The following ZNF804A variants were observed in gnomAD, a reference collection of about 807,000 sequenced individuals.
The protein encoded by ZNF804A is zinc finger protein 804A.
Under a neutral mutation model 16.5 loss-of-function variants are expected in ZNF804A, and 2 were observed. That is an observed-to-expected ratio of 0.12 (90% CI 0.05 to 0.38). The LOEUF (loss-of-function observed/expected upper bound fraction) is 0.38. ZNF804A is among the 10% of genes least tolerant of loss of function. The pLI, the probability that ZNF804A is intolerant of heterozygous loss-of-function variation, is 0.99. For missense variants in ZNF804A, 1,473 were observed against 1,390.7 expected (o/e 1.06, Z -0.94); for synonymous variants, 534 against 489.6 (o/e 1.09, Z -1.20).
intron 1 of ZNF804A, among the ~76,000 whole-genome samples, chr2:184,805,035 G>A (rs1694781733): frequency 6.6e-6 from 1 of 152,134 alleles, no homozygotes; most frequent in Non-Finnish European, 1.5e-5. Flanking sequence ...TCCCACATAA[G>A]GTTGATGCTT....
At chr2:184,908,177 C>T (rs1685306825) in intron 2 of ZNF804A, among the ~76,000 whole-genome samples, 1 of 152,038 alleles carries the variant, frequency 6.6e-6, no homozygotes, top group African/African-American at 2.4e-5. Flanking sequence ...ATGTTTTTTT[C>T]TAGAGGTGCT....
rs924898086 is a variant in ZNF804A, at chr2:184,598,691, T to G, written c.-269T>G. On this transcript the variant is annotated 5_prime_UTR_variant, in exon 1 of 4. Coordinates refer to ENST00000302277, the MANE Select transcript of ZNF804A (RefSeq NM_194250.2). ...CCGGCCCCCTCCTAGGCTGGAATCC[T>G]CCCGCGGGGCTCGTCGTCCCGACGC... The G allele has an allele frequency of 7.7e-6, 2 of 258,158 alleles. No individual in the cohort carries two copies. The highest frequency in any genetic ancestry group is 4.5e-5 in the African/African-American group (2 of 44,310). The allele number at this position is 258,158 out of a possible 1,614,324, so 16.0% of individuals were successfully genotyped here. A position where few individuals can be genotyped will look rare whatever the true frequency, so the allele number is the denominator to read the frequency against.
intron 2 of ZNF804A, among the ~76,000 whole-genome samples, chr2:184,917,922 T>C (rs374191440): frequency 6.6e-6 from 1 of 152,160 alleles, no homozygotes; most frequent in East Asian, 1.9e-4. Flanking sequence ...AAATGCTTTC[T>C]TCTATTACCC....
intron 2 of ZNF804A, among the ~76,000 whole-genome samples, chr2:184,913,170 C>T (rs537494511): frequency 6.6e-6 from 1 of 152,164 alleles, no homozygotes; most frequent in Admixed American, 6.5e-5. Flanking sequence ...TATTCCAAAA[C>T]TTGCTTTGAT....
chr2:184,712,474 G>A (rs552191007), intron 1 of ZNF804A, among the ~76,000 whole-genome samples: 6 of 151,640 alleles, frequency 4.0e-5, no homozygotes, highest in South Asian at 2.1e-4. Context: ...CTTTAATGTC[G>A]ACACGTTGGC....
chr2:184,617,598 C>A (rs1691348251), intron 1 of ZNF804A, among the ~76,000 whole-genome samples: 1 of 151,456 alleles, frequency 6.6e-6, no homozygotes, highest in Admixed American at 6.6e-5. Context: ...TATAGGTACT[C>A]TTAAGTCATT....
At chr2:184,684,014 C>G (rs769735303) in intron 1 of ZNF804A, among the ~76,000 whole-genome samples, 1 of 152,158 alleles carries the variant, frequency 6.6e-6, no homozygotes, top group Non-Finnish European at 1.5e-5. Flanking sequence ...CCTTGATCTC[C>G]TCTTCCATAT....
At chr2:184,915,748 G>T (rs184453005) in intron 2 of ZNF804A, among the ~76,000 whole-genome samples, 1 of 152,182 alleles carries the variant, frequency 6.6e-6, no homozygotes, top group Non-Finnish European at 1.5e-5. Context: ...TCTAAAGAAC[G>T]AGAGGCCTTG....
At chr2:184,725,882 A>T (rs1001712426) in intron 1 of ZNF804A, among the ~76,000 whole-genome samples, 1 of 151,664 alleles carries the variant, frequency 6.6e-6, no homozygotes, top group Non-Finnish European at 1.5e-5. Context: ...GAAATCATAT[A>T]GTTTCTGAAT....
intron 1 of ZNF804A, among the ~76,000 whole-genome samples, chr2:184,669,693 A>G (rs1410689261): frequency 3.3e-5 from 5 of 151,952 alleles, no homozygotes; most frequent in South Asian, 2.1e-4. Context: ...ATTACATCAA[A>G]TATCATTAAA....
Position 184,754,118 on chromosome 2 carries a change from A to G in ZNF804A, c.112-112251A>G, listed in dbSNP as rs1230787241. On this transcript the variant is annotated intron_variant, in intron 1 of 3. Coordinates refer to ENST00000302277, the MANE Select transcript of ZNF804A (RefSeq NM_194250.2). ...CCTTACTTGCGACATAAGTTTGATCAGTTAAGAATGTCCCCAGGCTCATGT... is the reference window on the plus strand; with the variant it reads ...CCTTACTTGCGACATAAGTTTGATCGGTTAAGAATGTCCCCAGGCTCATGT... 2.0e-5 allele frequency among the ~76,000 whole-genome samples: 3 copies of G among 151,788 alleles called. No individual in the cohort carries two copies. The Admixed American group carries it at 2.0e-4, about 10-fold the overall frequency.
chr2:184,933,400 A>T (rs772776780), intron 2 of ZNF804A, among the ~76,000 whole-genome samples: 1 of 152,200 alleles, frequency 6.6e-6, no homozygotes, highest in Non-Finnish European at 1.5e-5. Context: ...AAATTTCACT[A>T]TGATGTAATA....
rs1050339656 is a variant in ZNF804A at position 184,850,505 on chromosome 2, T to C, written c.112-15864T>C. Among the ~76,000 whole-genome samples, 3 of 151,926 alleles carry C rather than the reference T, an allele frequency of 2.0e-5. No individual in the cohort carries two copies. The South Asian group carries it at 6.2e-4, about 32-fold the overall frequency. On this transcript the variant is annotated intron_variant, in intron 1 of 3. Coordinates refer to ENST00000302277, the MANE Select transcript of ZNF804A (RefSeq NM_194250.2). Reference sequence around the variant, plus strand: ...GAATTTATTCTGTCTGGAAATATTCTTCCAGAAGAGAACAATTTTCCCCTC... The same window carrying C: ...GAATTTATTCTGTCTGGAAATATTCCTCCAGAAGAGAACAATTTTCCCCTC...
chr2:184,789,043 A>G (rs1310718725), intron 1 of ZNF804A, among the ~76,000 whole-genome samples: 2 of 152,064 alleles, frequency 1.3e-5, no homozygotes, highest in African/African-American at 4.8e-5. Flanking sequence ...GGTTTTTAGC[A>G]TGAAGTGATG....
At position 184,636,462 on chromosome 2, in the gene ZNF804A, A is replaced by T. The variant is rs756382022; in HGVS notation, c.111+37392A>T. 9.8e-3 allele frequency among the ~76,000 whole-genome samples: 1,221 copies of T among 123,970 alleles called. 31 individuals carry two copies. The highest frequency in any genetic ancestry group is 0.015 in the Non-Finnish European group (910 of 60,980). The allele number at this position is 123,970 out of a possible 152,430, so 81.3% of individuals were successfully genotyped here. On this transcript the variant is annotated intron_variant, in intron 1 of 3. Coordinates refer to ENST00000302277, the MANE Select transcript of ZNF804A (RefSeq NM_194250.2). ...GTGTGTGTGTGTGTGTGAGAGAGAG[A>T]GAGAGAGAGAGAGAGGTAAATATTT... is the stretch of plus-strand genomic sequence containing the variant.
At chr2:184,633,104 GC>G (rs1318517278) in intron 1 of ZNF804A, among the ~76,000 whole-genome samples, 3 of 152,080 alleles carry the variant, frequency 2.0e-5, no homozygotes, top group Non-Finnish European at 4.4e-5. Flanking sequence ...CAGAAAGATG[GC>G]CCCAAATCTT....
intron 1 of ZNF804A, among the ~76,000 whole-genome samples, chr2:184,609,660 A>T (rs1691206348): frequency 3.3e-5 from 5 of 152,180 alleles, no homozygotes; most frequent in Non-Finnish European, 1.5e-5. Context: ...TTCTCACATG[A>T]TGGACGACAG....
In ZNF804A at chr2:184,614,768, C is replaced by T. The variant is rs552927514; in HGVS notation, c.111+15698C>T. Among the ~76,000 whole-genome samples, 11 of 152,182 alleles carry T rather than the reference C, an allele frequency of 7.2e-5. No individual in the cohort carries two copies. In the East Asian group the frequency reaches 1.9e-3, roughly 27 times the overall value. ...TTCTGAAAAGAAGACATTTATGTGA[C>T]CAACAAACATGAAAAAAAGCTCATT... is the stretch of plus-strand genomic sequence containing the variant. On this transcript the variant is annotated intron_variant, in intron 1 of 3. Coordinates refer to ENST00000302277, the MANE Select transcript of ZNF804A (RefSeq NM_194250.2).
chr2:184,669,768 A>ACACACGCACACACACT (rs59149021), intron 1 of ZNF804A, among the ~76,000 whole-genome samples: 18 of 151,134 alleles, frequency 1.2e-4, no homozygotes, highest in South Asian at 4.2e-4. Flanking sequence ...ACACACGCAC[A>ACACACGCACACACACT]CACACACACA....
Sources: gnomAD v4.1 joint callset for allele counts (sites outside exome capture counted in the v4.1 genomes callset) on GRCh38, gnomAD v4.1.1 for gene constraint, MANE v1.5 for transcripts, NCBI Gene and HGNC (gene_info 2026-07-23, HGNC 2026-07-21) for gene names.